Variants in SPMAP2L observed in about 807,000 individuals in gnomAD.
SPMAP2L encodes sperm microtubule associated protein 2-like.
the SPMAP2L span, among the ~76,000 whole-genome samples, chr4:56,534,960 A>C: frequency 7.7e-3 from 1,174 of 152,158 alleles, 13 homozygotes; most frequent in Non-Finnish European, 7.8e-3. Context: ...ACAACAACAA[A>C]AAAACCATAA....
chr4:56,623,715 C>T, the SPMAP2L span, among the ~76,000 whole-genome samples: 7 of 152,134 alleles, frequency 4.6e-5, no homozygotes, highest in Non-Finnish European at 8.8e-5. Flanking sequence ...ACTTTTCCTT[C>T]CTCCTCATTT....
chr4:56,570,961 AC>A, the SPMAP2L span, among the ~76,000 whole-genome samples: 1 of 151,550 alleles, frequency 6.6e-6, no homozygotes, highest in Non-Finnish European at 1.5e-5. Context: ...GTGCTACCAC[AC>A]CCCGTTAACT....
the SPMAP2L span, among the ~76,000 whole-genome samples, chr4:56,587,504 G>T: frequency 6.9e-6 from 1 of 145,708 alleles, no homozygotes; most frequent in African/African-American, 2.6e-5. Context: ...AAAGTCCATT[G>T]TATCATTCTT....
chr4:56,612,003 T>C, the SPMAP2L span, among the ~76,000 whole-genome samples: 2 of 152,236 alleles, frequency 1.3e-5, no homozygotes, highest in African/African-American at 4.8e-5. Flanking sequence ...TAGCCAGCTC[T>C]AAATAAGTAG....
At chr4:56,580,677 G>T in the SPMAP2L span, among the ~76,000 whole-genome samples, 2 of 151,384 alleles carry the variant, frequency 1.3e-5, no homozygotes, top group South Asian at 4.2e-4. Context: ...CATCCAGATC[G>T]GATAGAGAGA....
the SPMAP2L span, among the ~76,000 whole-genome samples, chr4:56,609,614 G>A: frequency 5.9e-5 from 9 of 152,286 alleles, no homozygotes; most frequent in Admixed American, 2.0e-4. Context: ...TCCAAAATTC[G>A]TGTTGAAACT....
chr4:56,594,582 C>T, the SPMAP2L span: 19 of 1,589,456 alleles, frequency 1.2e-5, no homozygotes, highest in Middle Eastern at 1.7e-4. Flanking sequence ...GGGCACAGAA[C>T]GGTTTGCCTC....
chr4:56,576,573 A>G, the SPMAP2L span, among the ~76,000 whole-genome samples: 1 of 152,182 alleles, frequency 6.6e-6, no homozygotes, highest in Non-Finnish European at 1.5e-5. Context: ...CCAGGCTGGA[A>G]CTGTGACTTT....
the SPMAP2L span, among the ~76,000 whole-genome samples, chr4:56,554,744 A>T: frequency 1.3e-5 from 2 of 150,246 alleles, no homozygotes; most frequent in African/African-American, 5.0e-5. Context: ...CTAAACCCAA[A>T]GTCACCTGGA....
chr4:56,534,941 C>T, the SPMAP2L span, among the ~76,000 whole-genome samples: 263 of 152,034 alleles, frequency 1.7e-3, 1 homozygote, highest in African/African-American at 6.1e-3. Flanking sequence ...ACAACAACAA[C>T]AAACAACAAC....
chr4:56,565,545 G>A, the SPMAP2L span, among the ~76,000 whole-genome samples: 1 of 152,188 alleles, frequency 6.6e-6, no homozygotes, highest in Non-Finnish European at 1.5e-5. Context: ...AGGGAAAGTA[G>A]ATGCTCCCAG....
the SPMAP2L span, among the ~76,000 whole-genome samples, chr4:56,582,518 T>C: frequency 6.6e-5 from 10 of 152,172 alleles, no homozygotes; most frequent in Admixed American, 1.3e-4. Flanking sequence ...TTCACACTTA[T>C]AAGAATGGCA....
At chr4:56,596,084 T>C in the SPMAP2L span, among the ~76,000 whole-genome samples, 2 of 152,220 alleles carry the variant, frequency 1.3e-5, no homozygotes, top group Non-Finnish European at 2.9e-5. Flanking sequence ...AGAGTCCATG[T>C]GGACTGTGCC....
the SPMAP2L span, among the ~76,000 whole-genome samples, chr4:56,581,005 G>A: frequency 2.0e-5 from 3 of 152,074 alleles, no homozygotes; most frequent in African/African-American, 7.2e-5. Flanking sequence ...TAATAAGCCA[G>A]TCACAGAAAA....
the SPMAP2L span, among the ~76,000 whole-genome samples, chr4:56,552,875 G>A: frequency 2.0e-5 from 3 of 152,124 alleles, no homozygotes; most frequent in Non-Finnish European, 4.4e-5. Flanking sequence ...GTGTGCCATA[G>A]ACTTGGGGAG....
the SPMAP2L span, among the ~76,000 whole-genome samples, chr4:56,553,352 A>G: frequency 1.3e-5 from 2 of 151,458 alleles, no homozygotes; most frequent in African/African-American, 4.9e-5. Context: ...CACTGTGCCC[A>G]GCTAATTTTT....
At chr4:56,530,766 C>T in the SPMAP2L span, 1 of 1,535,422 alleles carries the variant, frequency 6.5e-7, no homozygotes, top group Non-Finnish European at 8.7e-7. Flanking sequence ...GCTCCGAAGT[C>T]TTCCAGAAGC....
the SPMAP2L span, among the ~76,000 whole-genome samples, chr4:56,589,713 T>C: frequency 6.6e-6 from 1 of 151,716 alleles, no homozygotes; most frequent in Admixed American, 6.6e-5. Flanking sequence ...TTTTTGTTGT[T>C]GTTGTTGTTG....
At chr4:56,592,858 C>T in the SPMAP2L span, 1 of 1,609,320 alleles carries the variant, frequency 6.2e-7, no homozygotes, top group Non-Finnish European at 8.5e-7. Context: ...CTCGGAGGCA[C>T]ATCGGCCCTG....
Sources: gnomAD v4.1 joint callset for allele counts (sites outside exome capture counted in the v4.1 genomes callset) on GRCh38, gnomAD v4.1.1 for gene constraint, MANE v1.5 for transcripts, NCBI Gene and HGNC (gene_info 2026-07-23, HGNC 2026-07-21) for gene names.